Variants in SLCO1B1 observed in about 807,000 individuals in gnomAD.
The protein encoded by SLCO1B1 is solute carrier organic anion transporter family member 1B1.
In SLCO1B1, 81 loss-of-function variants were observed where a neutral mutation model predicts 70.1. The ratio of observed to expected loss-of-function variants is 1.16; its 90% CI spans 0.97 to 1.39. SLCO1B1 has a LOEUF of 1.39. SLCO1B1 is among the 40% of genes most tolerant of loss of function. The pLI, the probability that SLCO1B1 is intolerant of heterozygous loss-of-function variation, is 0.00. For missense variants in SLCO1B1, 895 were observed against 799.6 expected, an observed-to-expected ratio of 1.12 and a Z score of -1.44; for synonymous variants, 283 against 271.5, an observed-to-expected ratio of 1.04 and a Z score of -0.42.
intron 13 of SLCO1B1, among the ~76,000 whole-genome samples, chr12:21,224,173 A>C (rs1941460083): frequency 6.6e-6 from 1 of 152,120 alleles, no homozygotes; most frequent in African/African-American, 2.4e-5. Flanking sequence ...GCCCAGAAAA[A>C]AGTACAACCT....
intron 13 of SLCO1B1, 64 bp from the exon 14 acceptor site, chr12:21,224,658 A>T: frequency 1.1e-6 from 1 of 949,436 alleles, no homozygotes; most frequent in Non-Finnish European, 1.7e-6. Flanking sequence ...ATCAATGTGG[A>T]ATATCATGCA....
At chr12:21,204,127 G>A (rs114654673) in intron 10 of SLCO1B1, among the ~76,000 whole-genome samples, 5 of 151,880 alleles carry the variant, frequency 3.3e-5, no homozygotes, top group African/African-American at 9.6e-5. Context: ...AAAATCCTGC[G>A]ACTGGGATAA....
chr12:21,132,880 T>C (rs966681072), intron 1 of SLCO1B1, among the ~76,000 whole-genome samples: 1 of 152,182 alleles, frequency 6.6e-6, no homozygotes, highest in Non-Finnish European at 1.5e-5. Flanking sequence ...CCATTGCTTT[T>C]GGTGTTTTAG....
At chr12:21,150,869 G>A (rs1396160864) in intron 2 of SLCO1B1, among the ~76,000 whole-genome samples, 1 of 152,052 alleles carries the variant, frequency 6.6e-6, no homozygotes, top group Non-Finnish European at 1.5e-5. Context: ...CATATAGTTG[G>A]TTCTTGTTAC....
chr12:21,231,662 C>CAT (rs937474225), intron 14 of SLCO1B1, among the ~76,000 whole-genome samples: 2 of 151,672 alleles, frequency 1.3e-5, no homozygotes, highest in African/African-American at 4.9e-5. Context: ...GACACACACA[C>CAT]ATATATATAC....
At position 21,172,539 on chromosome 12, in the gene SLCO1B1, A is replaced by G. The variant is rs1030461439; in HGVS notation, c.85-111A>G. ...GAAAACTAAGTATGGTTTTTAAGAT[A>G]CAAATAATGTTTTTAAGTAAAGAAG... is the stretch of plus-strand genomic sequence containing the variant. On this transcript the variant is annotated intron_variant, in intron 2 of 14. Transcript: ENST00000256958. 79 of 1,239,200 alleles carry G rather than the reference A, an allele frequency of 6.4e-5. 2 individuals carry two copies. The Admixed American group carries it at 1.3e-3, about 21-fold the overall frequency. The allele number at this position is 1,239,200 out of a possible 1,614,324, so 76.8% of individuals were successfully genotyped here.
At chr12:21,190,315 A>C (rs1298811708) in intron 7 of SLCO1B1, among the ~76,000 whole-genome samples, 2 of 152,176 alleles carry the variant, frequency 1.3e-5, no homozygotes, top group African/African-American at 4.8e-5. Context: ...TTATGTCTGT[A>C]CTAAATAAAA....
chr12:21,185,843 A>G (rs954869456), intron 7 of SLCO1B1, among the ~76,000 whole-genome samples: 5 of 152,092 alleles, frequency 3.3e-5, no homozygotes, highest in Non-Finnish European at 7.4e-5. Flanking sequence ...TTAACAAGGA[A>G]AAAAAGGAGA....
At chr12:21,154,710 T>C (rs1940517393) in intron 2 of SLCO1B1, among the ~76,000 whole-genome samples, 1 of 152,108 alleles carries the variant, frequency 6.6e-6, no homozygotes, top group African/African-American at 2.4e-5. Flanking sequence ...TTTATTCACT[T>C]TGCTTTACAA....
Position 21,239,664 on chromosome 12 carries a change from AAT to A in SLCO1B1, c.*478_*479del, listed in dbSNP as rs1245204121. ...GTCTAGCTTGGATATATGCTACAATAATATCTGTTACTCACATAAAATTATAT... is the reference window on the plus strand; with the variant it reads ...GTCTAGCTTGGATATATGCTACAATAATCTGTTACTCACATAAAATTATAT... On this transcript the variant is annotated 3_prime_UTR_variant, in exon 15 of 15. Transcript: ENST00000256958. Among the ~76,000 whole-genome samples, 3 of 152,180 alleles carry A rather than the reference AAT, an allele frequency of 2.0e-5. No homozygotes were observed. Among genetic ancestry groups the A allele is most frequent in the Non-Finnish European group, 2.9e-5 (2 of 68,028 alleles).
chr12:21,215,984 T>A (rs1941353310), intron 11 of SLCO1B1, among the ~76,000 whole-genome samples: 1 of 152,160 alleles, frequency 6.6e-6, no homozygotes, highest in East Asian at 1.9e-4. Context: ...ATGACCCAGT[T>A]AATACATGCT....
At chr12:21,214,580 T>C (rs1364891411) in intron 11 of SLCO1B1, among the ~76,000 whole-genome samples, 3 of 149,438 alleles carry the variant, frequency 2.0e-5, no homozygotes, top group Admixed American at 6.7e-5. Context: ...TGAGCTGTGG[T>C]GGGCTCCGCC....
At position 21,197,058 on chromosome 12, in the gene SLCO1B1, C is replaced by G. The variant is rs199712476; in HGVS notation, c.840C>G (p.Pro280=). ...IISSIPFFFL[P]QTPNKPQKER... ...CTTCCATACCATTCTTTTTCTTGCC[C>G]CAAACTCCAAATAAACCACAAAAAG... Residue 280 remains proline, a synonymous_variant, in exon 8 of 15, where the codon CCC becomes CCG. Transcript: ENST00000256958. 5.6e-6 allele frequency: 9 copies of G among 1,613,482 alleles called. No homozygotes were observed.
intron 8 of SLCO1B1, 35 bp downstream of exon 8, chr12:21,197,223 G>A: frequency 6.2e-7 from 1 of 1,608,534 alleles, no homozygotes; most frequent in Non-Finnish European, 8.5e-7. Context: ...ATTTGGAGTT[G>A]TTAATCTCAA....
chr12:21,201,338 C>A (rs1296014716), intron 9 of SLCO1B1, among the ~76,000 whole-genome samples: 1 of 152,022 alleles, frequency 6.6e-6, no homozygotes, highest in African/African-American at 2.4e-5. Flanking sequence ...AAGCAGGAGA[C>A]CAAGCTTCCA....
intron 14 of SLCO1B1, among the ~76,000 whole-genome samples, chr12:21,229,480 A>G (rs914102857): frequency 2.0e-5 from 3 of 152,232 alleles, no homozygotes; most frequent in Non-Finnish European, 4.4e-5. Flanking sequence ...TACAGTATGT[A>G]GCATTTTTAG....
At chr12:21,222,116 AATT>A (rs1194218005) in intron 12 of SLCO1B1, among the ~76,000 whole-genome samples, 181 bp from the exon 13 acceptor site, 3 of 151,826 alleles carry the variant, frequency 2.0e-5, no homozygotes, top group East Asian at 1.9e-4. Context: ...ATAAGGGAAT[AATT>A]ATTATTATTG....
At chr12:21,238,862 G>T in intron 14 of SLCO1B1, 117 bp from the exon 15 acceptor site, 1 of 567,658 alleles carries the variant, frequency 1.8e-6, no homozygotes. Flanking sequence ...TAGAATTATT[G>T]TCTTAATATT....
At chr12:21,154,895 T>C (rs2121066396) in intron 2 of SLCO1B1, among the ~76,000 whole-genome samples, 1 of 152,222 alleles carries the variant, frequency 6.6e-6, no homozygotes, top group South Asian at 2.1e-4. Context: ...TCAATGCTCT[T>C]TTACTTCAGT....
Sources: allele counts gnomAD v4.1 joint callset (sites outside exome capture counted in the v4.1 genomes callset), GRCh38; gene constraint gnomAD v4.1.1; transcripts MANE v1.5; gene names NCBI Gene and HGNC (gene_info 2026-07-23, HGNC 2026-07-21).